Variants in CCBE1 observed in about 807,000 individuals in gnomAD.
The protein encoded by CCBE1 is collagen and calcium-binding EGF domain-containing protein 1.
Under a neutral mutation model 50.0 loss-of-function variants are expected in CCBE1, and 37 were observed. The ratio of observed to expected loss-of-function variants is 0.74; its 90% confidence interval spans 0.57 to 0.97. The LOEUF is 0.97. CCBE1 is among the 50% of genes least tolerant of loss of function. The pLI, the probability that CCBE1 is intolerant of heterozygous loss-of-function variation, is 0.00. For synonymous variants in CCBE1, 234 were observed against 203.7 expected (o/e 1.15, Z -1.27); for missense variants, 538 against 523.8 (o/e 1.03, Z -0.26).
rs1176873442 is a variant in CCBE1 at position 59,651,094 on chromosome 18, A to G, written c.212+45535T>C. Among the ~76,000 whole-genome samples the G allele has an allele frequency of 2.6e-5, 4 of 152,212 alleles. No homozygotes were observed. The East Asian group carries it at 7.7e-4, about 29-fold the overall frequency. On this transcript the variant is annotated intron_variant, in intron 2 of 10. Transcript: ENST00000439986. ...GGTGGGATTTCTTAATATCATCCAA[A>G]ATTGTGATGACTTTTTACCCAATTC...
chr18:59,525,328 T>C (rs569823211), intron 2 of CCBE1, among the ~76,000 whole-genome samples: 2 of 152,370 alleles, frequency 1.3e-5, no homozygotes, highest in Admixed American at 6.5e-5. Flanking sequence ...TAATGACCAG[T>C]GATGTTGAGC....
In CCBE1 at chr18:59,676,236, G is replaced by T. The variant is rs140195312; in HGVS notation, c.212+20393C>A. Among the ~76,000 whole-genome samples the T allele has an allele frequency of 9.2e-5, 14 of 152,244 alleles. No homozygotes were observed. In the East Asian group the frequency reaches 2.7e-3, roughly 29 times the overall value. On this transcript the variant is annotated intron_variant, in intron 2 of 10. Coordinates refer to ENST00000439986, the MANE Select transcript of CCBE1 (RefSeq NM_133459.4). ...CTTTTTGCAGGAATGCTTGGAAAAA[G>T]CTTCTCTTTGGTCTTAATAAGGAAC... is the stretch of plus-strand genomic sequence containing the variant.
chr18:59,667,431 T>C (rs2054372161), intron 2 of CCBE1, among the ~76,000 whole-genome samples: 1 of 152,132 alleles, frequency 6.6e-6, no homozygotes, highest in African/African-American at 2.4e-5. Context: ...GGGGTAAGAA[T>C]GCCAACCCAG....
intron 2 of CCBE1, among the ~76,000 whole-genome samples, chr18:59,677,845 G>C (rs2054527436): frequency 6.6e-6 from 1 of 152,096 alleles, no homozygotes. Context: ...TCATACAAAA[G>C]GGAGTGAGTG....
chr18:59,659,774 G>T (rs1226905012), intron 2 of CCBE1, among the ~76,000 whole-genome samples: 2 of 152,136 alleles, frequency 1.3e-5, no homozygotes, highest in Non-Finnish European at 2.9e-5. Flanking sequence ...GACTGAAGCA[G>T]AAACTTTTCC....
chr18:59,447,246 C>G lies in CCBE1; in HGVS notation c.775+737G>C, dbSNP rs1037692700. On this transcript the variant is annotated intron_variant, in intron 7 of 10. Transcript: ENST00000439986. ...GTGTGTATATATGTGTATAAAGATT[C>G]TAGTCATATGGAGTTCTAGAACAGG... Among the ~76,000 whole-genome samples the G allele has an allele frequency of 2.0e-5, 3 of 152,124 alleles. No homozygotes were observed. In the East Asian group the frequency reaches 5.8e-4, roughly 30 times the overall value.
intron 2 of CCBE1, among the ~76,000 whole-genome samples, chr18:59,679,242 T>C (rs905326848): frequency 1.3e-5 from 2 of 152,190 alleles, no homozygotes; most frequent in Admixed American, 6.5e-5. Context: ...AATTAACACA[T>C]CTGTTAAAAT....
chr18:59,561,111 A>G (rs1287525556), intron 2 of CCBE1, among the ~76,000 whole-genome samples: 2 of 152,210 alleles, frequency 1.3e-5, no homozygotes, highest in African/African-American at 2.4e-5. Flanking sequence ...AGAGTACTGA[A>G]TGAGCTAAGC....
intron 2 of CCBE1, among the ~76,000 whole-genome samples, chr18:59,671,566 G>A (rs1297774954): frequency 1.3e-5 from 2 of 151,734 alleles, no homozygotes; most frequent in Admixed American, 6.6e-5. Context: ...ACAGGGAGGA[G>A]ACAGTCTTCA....
At chr18:59,601,020 T>TG in intron 2 of CCBE1, among the ~76,000 whole-genome samples, 1 of 53,144 alleles carries the variant, frequency 1.9e-5, no homozygotes, top group Non-Finnish European at 3.5e-5. Context: ...GTTTTTTTTT[T>TG]TTTTTTTTTT....
intron 2 of CCBE1, among the ~76,000 whole-genome samples, chr18:59,565,458 G>A (rs2144466560): frequency 6.6e-6 from 1 of 152,294 alleles, no homozygotes; most frequent in East Asian, 1.9e-4. Flanking sequence ...GGTAACCAGG[G>A]GCGAGGGGCA....
intron 10 of CCBE1, among the ~76,000 whole-genome samples, chr18:59,436,900 A>T (rs1345187669): frequency 6.6e-6 from 1 of 152,182 alleles, no homozygotes; most frequent in Admixed American, 6.5e-5. Flanking sequence ...TGAGCCCAAG[A>T]GGTCGAGGCT....
At chr18:59,634,506 C>A (rs2053891825) in intron 2 of CCBE1, among the ~76,000 whole-genome samples, 1 of 152,222 alleles carries the variant, frequency 6.6e-6, no homozygotes, top group East Asian at 1.9e-4. Context: ...TTTGGACTGC[C>A]ACAGATTATG....
At chr18:59,474,662 C>G (rs1256145313) in intron 3 of CCBE1, among the ~76,000 whole-genome samples, 1 of 152,190 alleles carries the variant, frequency 6.6e-6, no homozygotes, top group Non-Finnish European at 1.5e-5. Context: ...GAAAATATAT[C>G]TTCTGTCTTC....
rs1331122788 is a variant in CCBE1, at chr18:59,452,290, G to A, written c.654+2561C>T. Reference sequence around the variant, plus strand: ...CAAATGGCATTAGCAGCAGCAAGACGACATTAAAAAACAACTGACAGGCCA... The same window carrying A: ...CAAATGGCATTAGCAGCAGCAAGACAACATTAAAAAACAACTGACAGGCCA... On this transcript the variant is annotated intron_variant, in intron 6 of 10. Coordinates refer to ENST00000439986, the MANE Select transcript of CCBE1 (RefSeq NM_133459.4). Among the ~76,000 whole-genome samples, 3 of 152,040 alleles carry A rather than the reference G, an allele frequency of 2.0e-5. 1 individual carries two copies. Among genetic ancestry groups the A allele is most frequent in the African/African-American group, 7.2e-5 (3 of 41,408 alleles).
intron 2 of CCBE1, among the ~76,000 whole-genome samples, chr18:59,691,912 T>TG (rs2054738370): frequency 6.6e-6 from 1 of 152,126 alleles, no homozygotes; most frequent in South Asian, 2.1e-4. Context: ...TTCATAATCC[T>TG]GGGGAAGGGA....
chr18:59,548,845 A>G (rs1242455063), intron 2 of CCBE1, among the ~76,000 whole-genome samples: 2 of 152,168 alleles, frequency 1.3e-5, no homozygotes, highest in Non-Finnish European at 2.9e-5. Flanking sequence ...TTGTAACACA[A>G]TGGTAAGTAT....
At chr18:59,576,946 A>G (rs2053006486) in intron 2 of CCBE1, among the ~76,000 whole-genome samples, 2 of 152,198 alleles carry the variant, frequency 1.3e-5, no homozygotes, top group African/African-American at 4.8e-5. Context: ...CTCTCTCTGA[A>G]CTTGACTCTA....
intron 2 of CCBE1, among the ~76,000 whole-genome samples, chr18:59,590,681 T>C (rs2053251271): frequency 6.6e-6 from 1 of 152,188 alleles, no homozygotes; most frequent in African/African-American, 2.4e-5. Context: ...CAGAGACCAA[T>C]GGATTAGAGC....
Sources: allele counts gnomAD v4.1 joint callset (sites outside exome capture counted in the v4.1 genomes callset), GRCh38; gene constraint gnomAD v4.1.1; transcripts MANE v1.5; gene names NCBI Gene and HGNC (gene_info 2026-07-23, HGNC 2026-07-21).